Variants in CLIC5 observed in about 807,000 individuals in gnomAD.
The protein encoded by CLIC5 is CLIC family member 5.
Under a neutral mutation model 24.7 loss-of-function variants are expected in CLIC5, and 20 were observed. That is an observed-to-expected ratio of 0.81 (90% CI 0.57 to 1.18). CLIC5 has a LOEUF of 1.18. Among genes scored for constraint, CLIC5 ranks in the 50% most tolerant of loss-of-function variants. The pLI is 0.00. For missense variants in CLIC5, 341 were observed against 326.1 expected (o/e 1.05, Z -0.35); for synonymous variants, 159 against 135.6 (o/e 1.17, Z -1.20).
At chr6:45,988,705 A>G (rs1765826084) in intron 1 of CLIC5, among the ~76,000 whole-genome samples, 1 of 152,248 alleles carries the variant, frequency 6.6e-6, no homozygotes, top group South Asian at 2.1e-4. Context: ...TAGAAAGAGT[A>G]TGAAATCACA....
At position 45,900,251 on chromosome 6, in the gene CLIC5, A is replaced by C. The variant is rs968758045; in HGVS notation, c.*2837T>G. ...CTGTGCAAGTCAAAGAAGATAAATAAATACAAAATAAAATAAGATCTCAAC... is the reference window on the plus strand; with the variant it reads ...CTGTGCAAGTCAAAGAAGATAAATACATACAAAATAAAATAAGATCTCAAC... On this transcript the variant is annotated 3_prime_UTR_variant, in exon 6 of 6. Transcript: ENST00000339561. 4 of 152,176 alleles carry C rather than the reference A, an allele frequency of 2.6e-5. No individual in the cohort carries two copies. Among genetic ancestry groups the C allele is most frequent in the Non-Finnish European group, 5.9e-5 (4 of 68,052 alleles). 9.4% of individuals were successfully genotyped at this position (152,176 alleles called of 1,614,324 possible). A position where few individuals can be genotyped will look rare whatever the true frequency, so the allele number is the denominator to read the frequency against.
chr6:45,927,696 C>T (rs543735913), intron 4 of CLIC5, among the ~76,000 whole-genome samples: 11 of 152,240 alleles, frequency 7.2e-5, no homozygotes, highest in East Asian at 5.8e-4. Flanking sequence ...AGTTGCTGCC[C>T]CTAGAGACTC....
chr6:46,021,942 A>T (rs1767196443), intron 1 of CLIC5, among the ~76,000 whole-genome samples: 1 of 152,238 alleles, frequency 6.6e-6, no homozygotes, highest in Non-Finnish European at 1.5e-5. Flanking sequence ...AAATGATCAA[A>T]ATGCTTAAAT....
intron 1 of CLIC5, among the ~76,000 whole-genome samples, chr6:46,048,890 T>G (rs574196836): frequency 6.6e-6 from 1 of 152,194 alleles, no homozygotes; most frequent in African/African-American, 2.4e-5. Context: ...GTAGGGAAAA[T>G]GGACTCTTCA....
intron 1 of CLIC5, among the ~76,000 whole-genome samples, chr6:45,974,517 A>ATATATATATATATATC: frequency 1.2e-5 from 1 of 84,532 alleles, no homozygotes; most frequent in Non-Finnish European, 2.3e-5. Context: ...ATATATATAT[A>ATATATATATATATATC]TATATAGAGA....
chr6:46,106,807 G>A, the CLIC5 span, among the ~76,000 whole-genome samples: 4 of 152,100 alleles, frequency 2.6e-5, no homozygotes, highest in Non-Finnish European at 4.4e-5. Context: ...TTGCTACCAC[G>A]TTTAATCTAA....
chr6:45,919,837 G>C (rs1386638757), intron 4 of CLIC5, among the ~76,000 whole-genome samples: 1 of 152,098 alleles, frequency 6.6e-6, no homozygotes, highest in East Asian at 1.9e-4. Context: ...ATCTCTCTGA[G>C]GTCAATGAAT....
rs111335092 is a variant in CLIC5 at position 45,918,573 on chromosome 6, G to A, written c.407-4164C>T. ...GAGAACAGCTCTGTGGGCCCAGGTG[G>A]CTGCACGCTCAACTTCTCATATATG... is the stretch of plus-strand genomic sequence containing the variant. On this transcript the variant is annotated intron_variant, in intron 4 of 5. Coordinates refer to ENST00000339561, the MANE Select transcript of CLIC5 (RefSeq NM_016929.5). Among the ~76,000 whole-genome samples the A allele has an allele frequency of 3.9e-3, 587 of 152,358 alleles. 1 individual carries two copies. Among genetic ancestry groups the A allele is most frequent in the Middle Eastern group, 0.01 (3 of 294 alleles).
intron 1 of CLIC5, among the ~76,000 whole-genome samples, chr6:45,958,439 T>TATACACACACACACACACACAC (rs1554151278): frequency 8.9e-4 from 11 of 12,392 alleles, no homozygotes; most frequent in Non-Finnish European, 1.9e-3. Flanking sequence ...TATATATATA[T>TATACACACACACACACACACAC]ATATATATAT....
In CLIC5 at chr6:45,899,410, GGC is replaced by G; in HGVS notation, c.*3676_*3677del. 6.6e-6 allele frequency: 1 copy of G among 152,330 alleles called. No individual in the cohort carries two copies. The highest frequency in any genetic ancestry group is 1.5e-5 in the Non-Finnish European group (1 of 68,048). The allele number at this position is 152,330 out of a possible 1,614,324, so 9.4% of individuals were successfully genotyped here. ...TCACCGTGCAGTTGAGATGGCCCCTGGCCAGTGGGAATTGAGGCGAGTCACAG... is the reference window on the plus strand; with the variant it reads ...TCACCGTGCAGTTGAGATGGCCCCTGCAGTGGGAATTGAGGCGAGTCACAG... On this transcript the variant is annotated 3_prime_UTR_variant, in exon 6 of 6. Transcript: ENST00000339561.
chr6:45,971,415 C>G (rs1027387258), intron 1 of CLIC5, among the ~76,000 whole-genome samples: 2 of 152,176 alleles, frequency 1.3e-5, no homozygotes, highest in African/African-American at 4.8e-5. Flanking sequence ...ACCCAAACCC[C>G]CACCAAACTA....
At chr6:45,906,295 C>T (rs945635419) in intron 5 of CLIC5, among the ~76,000 whole-genome samples, 1 of 152,070 alleles carries the variant, frequency 6.6e-6, no homozygotes, top group Non-Finnish European at 1.5e-5. Context: ...CTGCATATTG[C>T]TTTGGACAGT....
chr6:45,901,323 C>G lies in CLIC5; in HGVS notation c.*1765G>C, dbSNP rs1402109954. On this transcript the variant is annotated 3_prime_UTR_variant, in exon 6 of 6. Coordinates refer to ENST00000339561, the MANE Select transcript of CLIC5 (RefSeq NM_016929.5). ...TTTCTCAGGCTTATAAAGTGTCCTA[C>G]TGAGAAAGTTCCTCTTCCTCAATGG... 1 of 152,156 alleles carries G rather than the reference C, an allele frequency of 6.6e-6. No homozygotes were observed. Among genetic ancestry groups the G allele is most frequent in the Non-Finnish European group, 1.5e-5 (1 of 68,014 alleles). 9.4% of individuals were successfully genotyped at this position (152,156 alleles called of 1,614,324 possible). A position where few individuals can be genotyped will look rare whatever the true frequency, so the allele number is the denominator to read the frequency against.
At chr6:45,897,395 C>T (rs1230640722), downstream of CLIC5, among the ~76,000 whole-genome samples, 1 of 152,084 alleles carries the variant, frequency 6.6e-6, no homozygotes, top group Non-Finnish European at 1.5e-5. Flanking sequence ...ATCACCCTCG[C>T]TCCAGTCATC....
intron 1 of CLIC5, among the ~76,000 whole-genome samples, chr6:45,992,669 A>T (rs1383498989): frequency 6.6e-6 from 1 of 152,148 alleles, no homozygotes. Context: ...GTAAGTCTGT[A>T]TCAGTGTTTC....
At chr6:45,931,255 A>AG (rs1763725437) in intron 4 of CLIC5, among the ~76,000 whole-genome samples, 1 of 152,212 alleles carries the variant, frequency 6.6e-6, no homozygotes, top group South Asian at 2.1e-4. Flanking sequence ...GACCCTATAT[A>AG]GAGAAAGTTT....
intron 1 of CLIC5, among the ~76,000 whole-genome samples, chr6:46,053,116 G>A (rs1768149821): frequency 6.6e-6 from 1 of 152,102 alleles, no homozygotes. Context: ...AGAGACAGAG[G>A]CCAAATACAG....
At chr6:46,121,808 C>A in the CLIC5 span, among the ~76,000 whole-genome samples, 1 of 151,990 alleles carries the variant, frequency 6.6e-6, no homozygotes. Context: ...AGACTTTAAA[C>A]CAACAAAGAT....
chr6:46,012,250 C>G (rs908109107), intron 1 of CLIC5, among the ~76,000 whole-genome samples: 1 of 152,192 alleles, frequency 6.6e-6, no homozygotes, highest in Non-Finnish European at 1.5e-5. Context: ...GCCAGTGAGG[C>G]TCCTGAAAGT....
Sources: gnomAD v4.1 joint callset for allele counts (sites outside exome capture counted in the v4.1 genomes callset) on GRCh38, gnomAD v4.1.1 for gene constraint, MANE v1.5 for transcripts, NCBI Gene and HGNC (gene_info 2026-07-23, HGNC 2026-07-21) for gene names.